TIAM2: variants seen among roughly 807,000 people sequenced by gnomAD.
TIAM2 encodes the protein TIAM Rac1 associated GEF 2, also known as rho guanine nucleotide exchange factor TIAM2.
Under a neutral mutation model 152.9 loss-of-function variants are expected in TIAM2, and 80 were observed. That is an observed-to-expected ratio of 0.52 (90% CI 0.44 to 0.63). TIAM2 has a LOEUF of 0.63. TIAM2 is among the 30% of genes least tolerant of loss of function. The probability of loss-of-function intolerance (pLI) is 0.00; values close to 1 mark genes in which losing one functional copy is unlikely to be tolerated. For missense variants in TIAM2, 1,965 were observed against 2,120.1 expected (o/e 0.93, Z 1.44); for synonymous variants, 804 against 838.0 (o/e 0.96, Z 0.70).
At chr6:155,007,126 G>T (rs1286754683) in intron 1 of TIAM2, among the ~76,000 whole-genome samples, 1 of 152,208 alleles carries the variant, frequency 6.6e-6, no homozygotes, top group Non-Finnish European at 1.5e-5. Context: ...CCTAAATAAA[G>T]TAAGACTTGC....
At chr6:155,023,242 G>A (rs1424212894) in intron 1 of TIAM2, among the ~76,000 whole-genome samples, 1 of 152,124 alleles carries the variant, frequency 6.6e-6, no homozygotes, top group African/African-American at 2.4e-5. Context: ...TGCTCTAGAA[G>A]TTGCAGGTAC....
chr6:155,124,408 G>A (rs1030387677), intron 2 of TIAM2, among the ~76,000 whole-genome samples: 4 of 152,024 alleles, frequency 2.6e-5, no homozygotes, highest in African/African-American at 9.7e-5. Flanking sequence ...TCGGCTCACC[G>A]CAACCTCTGC....
chr6:155,199,155 A>G (rs1781423722), intron 14 of TIAM2, among the ~76,000 whole-genome samples: 1 of 151,976 alleles, frequency 6.6e-6, no homozygotes, highest in Admixed American at 6.6e-5. Flanking sequence ...GGTTCACTGC[A>G]ACCTCTGCCT....
At chr6:155,013,226 G>C (rs1778517335) in intron 1 of TIAM2, among the ~76,000 whole-genome samples, 1 of 152,126 alleles carries the variant, frequency 6.6e-6, no homozygotes, top group Non-Finnish European at 1.5e-5. Context: ...CTTAGTCTGT[G>C]CTCCTGCAGG....
chr6:155,168,885 A>G (rs1780507027), intron 9 of TIAM2: 3 of 1,535,744 alleles, frequency 2.0e-6, no homozygotes, highest in Non-Finnish European at 8.7e-7. Context: ...TCTGGAACTC[A>G]GCTACCTCAA....
chr6:155,102,559 G>T (rs1778574327), intron 2 of TIAM2, among the ~76,000 whole-genome samples: 1 of 151,914 alleles, frequency 6.6e-6, no homozygotes, highest in African/African-American at 2.4e-5. Flanking sequence ...TCATTCTGGG[G>T]GTGTTCCAAT....
chr6:155,120,185 G>T (rs1002511147), intron 2 of TIAM2, among the ~76,000 whole-genome samples: 1 of 152,206 alleles, frequency 6.6e-6, no homozygotes, highest in Non-Finnish European at 1.5e-5. Context: ...TACCAGCCAT[G>T]CTTGTCAGCG....
At chr6:155,125,715 A>G (rs1779277636) in intron 2 of TIAM2, among the ~76,000 whole-genome samples, 1 of 151,864 alleles carries the variant, frequency 6.6e-6, no homozygotes, top group Non-Finnish European at 1.5e-5. Context: ...GTGCGCGCCT[A>G]TAATCACAGC....
At chr6:155,169,157 G>A (rs967314422) in intron 9 of TIAM2, among the ~76,000 whole-genome samples, 2 of 152,100 alleles carry the variant, frequency 1.3e-5, no homozygotes, top group African/African-American at 4.8e-5. Flanking sequence ...CACCACGCCC[G>A]GCTAATTTTT....
chr6:155,164,133 G>GTTTTTTTTTTTTTTTTTTTT (rs375238178), intron 7 of TIAM2, among the ~76,000 whole-genome samples: 10 of 118,034 alleles, frequency 8.5e-5, no homozygotes, highest in Admixed American at 3.5e-4. Flanking sequence ...TAATTTTTGT[G>GTTTTTTTTTTTTTTTTTTTT]TTTTTTTTTT....
intron 14 of TIAM2, among the ~76,000 whole-genome samples, chr6:155,201,204 G>A (rs371742895): frequency 3.3e-4 from 50 of 152,264 alleles, no homozygotes; most frequent in African/African-American, 9.9e-4. Context: ...CAAGAGAACC[G>A]TAGCACTTAC....
rs923071002 is a variant in TIAM2, at chr6:155,213,915, A to G, written c.3168+2608A>G. Reference sequence around the variant, plus strand: ...AGCAGAGCGGGCACCAGGAGTAGGGAGAAACCAGGCAGTGGGAGCAGGCTA... The same window carrying G: ...AGCAGAGCGGGCACCAGGAGTAGGGGGAAACCAGGCAGTGGGAGCAGGCTA... On this transcript the variant is annotated intron_variant, in intron 15 of 26. Coordinates refer to ENST00000682666, the MANE Select transcript of TIAM2 (RefSeq NM_012454.4). The surrounding 1 kb of genome is among the most constrained non-coding windows in gnomAD (Gnocchi z 4.2). 2.0e-5 allele frequency among the ~76,000 whole-genome samples: 3 copies of G among 152,176 alleles called. No individual in the cohort carries two copies. The highest frequency in any genetic ancestry group is 6.5e-5 in the Admixed American group (1 of 15,278).
chr6:155,188,425 A>G (rs1280075206), intron 14 of TIAM2, among the ~76,000 whole-genome samples: 6 of 152,214 alleles, frequency 3.9e-5, no homozygotes, highest in African/African-American at 7.2e-5. Flanking sequence ...ATGAGTGACC[A>G]TTTGATTTTG....
In TIAM2 at chr6:155,101,143, C is replaced by A. The variant is rs369506727; in HGVS notation, c.-118+10764C>A. ...GGAAACCTTTGGTTTTAGAAACAGA[C>A]TTCCTAAATTTGGGCCTTTTGATCA... is the stretch of plus-strand genomic sequence containing the variant. On this transcript the variant is annotated intron_variant, in intron 2 of 26. Transcript: ENST00000682666. Among the ~76,000 whole-genome samples the A allele has an allele frequency of 1.8e-4, 27 of 152,316 alleles. No homozygotes were observed. The South Asian group carries it at 4.4e-3, about 25-fold the overall frequency.
intron 2 of TIAM2, among the ~76,000 whole-genome samples, chr6:155,102,512 A>G (rs1294490413): frequency 6.6e-6 from 1 of 152,044 alleles, no homozygotes; most frequent in African/African-American, 2.4e-5. Context: ...ATTTTTATTA[A>G]TAATAATTTG....
chr6:155,144,674 G>T lies in TIAM2; in HGVS notation c.1699G>T (p.Ala567Ser), dbSNP rs1031495923. Reference protein sequence around the residue: ...SMDQSSAPRCALFAEDSIVQS... With the variant: ...SMDQSSAPRCSLFAEDSIVQS... ...GGATCAGAGCAGTGCCCCTCGGTGTGCTCTGTTTGCAGAAGACAGCATAGT... is the reference window on the plus strand; with the variant it reads ...GGATCAGAGCAGTGCCCCTCGGTGTTCTCTGTTTGCAGAAGACAGCATAGT... The change falls in exon 6 of 27, where the codon GCT becomes TCT. Residue 567 changes from alanine to serine, a missense_variant. Physicochemically the swap from Ala to Ser is moderately conservative, Grantham distance 99 (BLOSUM62 1). Around this residue, in one of 3 missense-constraint regions of TIAM2, gnomAD observed 1,025 missense variants for 1,119.4 expected, o/e 0.92. Transcript: ENST00000682666. The T allele has an allele frequency of 6.2e-7, 1 of 1,608,892 alleles. No homozygotes were observed. The highest frequency in any genetic ancestry group is 1.7e-5 in the Admixed American group (1 of 58,846).
Position 155,104,854 on chromosome 6 carries a change from T to G in TIAM2, c.-118+14475T>G, listed in dbSNP as rs7749008. ...GCCTATATGGGTAGATGGATGTATGTGTATGTAAAATACAGTTTTCATCCA... is the reference window on the plus strand; with the variant it reads ...GCCTATATGGGTAGATGGATGTATGGGTATGTAAAATACAGTTTTCATCCA... On this transcript the variant is annotated intron_variant, in intron 2 of 26. Coordinates refer to ENST00000682666, the MANE Select transcript of TIAM2 (RefSeq NM_012454.4). Among the ~76,000 whole-genome samples, 15 of 152,142 alleles carry G rather than the reference T, an allele frequency of 9.9e-5. 1 individual carries two copies. In the South Asian group the frequency reaches 2.9e-3, roughly 29 times the overall value.
Position 154,995,360 on chromosome 6 carries a change from C to T in TIAM2, c.-341C>T, listed in dbSNP as rs1204524590. On this transcript the variant is annotated 5_prime_UTR_variant, in exon 1 of 27. Coordinates refer to ENST00000682666, the MANE Select transcript of TIAM2 (RefSeq NM_012454.4). The surrounding 1 kb of genome is among the most constrained non-coding windows in gnomAD (Gnocchi z 5.2). ...CCGCGGCCGCCGCAGGCGCACAGCGCGCGTCCAAGTGGAGAACAAAGTGAC... is the reference window on the plus strand; with the variant it reads ...CCGCGGCCGCCGCAGGCGCACAGCGTGCGTCCAAGTGGAGAACAAAGTGAC... 6.6e-6 allele frequency: 1 copy of T among 151,064 alleles called. No individual in the cohort carries two copies. The highest frequency in any genetic ancestry group is 2.4e-5 in the African/African-American group (1 of 41,314). 9.4% of individuals were successfully genotyped at this position (151,064 alleles called of 1,614,324 possible).
chr6:155,253,990 A>T lies in TIAM2; in HGVS notation c.4243A>T (p.Ile1415Leu), dbSNP rs115968828. 2.7e-5 allele frequency: 44 copies of T among 1,613,400 alleles called. No individual in the cohort carries two copies. The highest frequency in any genetic ancestry group is 3.7e-5 in the Non-Finnish European group (44 of 1,179,754). The change falls in exon 25 of 27, where the codon ATA (isoleucine) becomes TTA (leucine). Residue 1415 changes from isoleucine to leucine, a missense_variant. This residue lies in a region of TIAM2 where 935 missense variants were observed against 980.0 expected (regional missense o/e 0.95). Transcript: ENST00000682666. ...GNPAGTENNS[I>L]WELIHTKSEI... Reference sequence around the variant, plus strand: ...TTACATAGGGACAGAAAATAATTCCATATGGGAACTGATCCATACGAAGTC... The same window carrying T: ...TTACATAGGGACAGAAAATAATTCCTTATGGGAACTGATCCATACGAAGTC...
Sources: gnomAD v4.1 joint callset for allele counts (sites outside exome capture counted in the v4.1 genomes callset) on GRCh38, gnomAD v4.1.1 for gene constraint, gnomAD v4.1.1 regional missense constraint, Gnocchi (gnomAD v3.1) non-coding constraint, MANE v1.5 for transcripts, NCBI Gene and HGNC (gene_info 2026-07-23, HGNC 2026-07-21) for gene names.